Variants in STAM2 observed in about 807,000 individuals in gnomAD.
STAM2 encodes signal transducing adaptor molecule 2.
STAM2 carries 51 observed loss-of-function variants against 65.6 expected under a neutral mutation model. The ratio of observed to expected loss-of-function variants is 0.78; its 90% CI spans 0.62 to 0.98. The LOEUF (loss-of-function observed/expected upper bound fraction) is 0.98. Among genes scored for constraint, STAM2 ranks in the 50% least tolerant of loss-of-function variants. STAM2 has a pLI of 0.00. For missense variants in STAM2, 584 were observed against 617.8 expected, an observed-to-expected ratio of 0.95 and a Z score of 0.58; for synonymous variants, 198 against 208.4, an observed-to-expected ratio of 0.95 and a Z score of 0.43.
chr2:152,140,692 T>C (rs1689230010), intron 7 of STAM2, among the ~76,000 whole-genome samples: 1 of 152,234 alleles, frequency 6.6e-6, no homozygotes, highest in Admixed American at 6.5e-5. Context: ...GTAAAGTTCT[T>C]TTCCTTTTCT....
intron 9 of STAM2, 57 bp from the exon 10 acceptor site, chr2:152,133,317 T>A (rs371120470): frequency 3.9e-6 from 6 of 1,543,558 alleles, no homozygotes; most frequent in East Asian, 4.5e-5. Flanking sequence ...TCAGTAAATA[T>A]GAAATTACTC....
At chr2:152,152,700 C>T (rs1352664253) in intron 1 of STAM2, among the ~76,000 whole-genome samples, 1 of 152,128 alleles carries the variant, frequency 6.6e-6, no homozygotes, top group Non-Finnish European at 1.5e-5. Context: ...TATGGTAACT[C>T]TAAGTTTAAT....
chr2:152,173,298 G>A (rs1208358084), intron 1 of STAM2, among the ~76,000 whole-genome samples: 1 of 148,736 alleles, frequency 6.7e-6, no homozygotes, highest in Non-Finnish European at 1.5e-5. Flanking sequence ...ATTTCCTGTA[G>A]ACATCTCAAG....
Position 152,144,990 on chromosome 2 carries a change from T to C in STAM2, c.448-33A>G, listed in dbSNP as rs764035273. The C allele has an allele frequency of 8.5e-6, 13 of 1,528,246 alleles. No homozygotes were observed. In the East Asian group the frequency reaches 1.8e-4, roughly 21 times the overall value. The allele number at this position is 1,528,246 out of a possible 1,614,324, so 94.7% of individuals were successfully genotyped here. A position where few individuals can be genotyped will look rare whatever the true frequency, so the allele number is the denominator to read the frequency against. On this transcript the variant is annotated intron_variant, in intron 5 of 13. Transcript: ENST00000263904. ...TGTATGAGTAAAATGAACACAACTA[T>C]CTTTTCAAACAAAACACAAGCTCCA...
intron 13 of STAM2, among the ~76,000 whole-genome samples, chr2:152,121,157 A>G (rs757120241): frequency 6.6e-6 from 1 of 152,080 alleles, no homozygotes; most frequent in Non-Finnish European, 1.5e-5. Flanking sequence ...TTTTTGTTGT[A>G]GAGACTGGGT....
rs115445944 is a variant in STAM2 at position 152,133,537 on chromosome 2, G to A, written c.800-53C>T. On this transcript the variant is annotated intron_variant, in intron 8 of 13. Coordinates refer to ENST00000263904, the MANE Select transcript of STAM2 (RefSeq NM_005843.6). ...CTCAGCATTTACTTCAGTAATTTTA[G>A]TCATTAATTTATAAGTGGCCTATGA... is the stretch of plus-strand genomic sequence containing the variant. 1,870 of 1,416,122 alleles carry A rather than the reference G, an allele frequency of 1.3e-3. 18 individuals are homozygous for A. In the African/African-American group the frequency reaches 0.025, roughly 19 times the overall value. The allele number at this position is 1,416,122 out of a possible 1,614,324, so 87.7% of individuals were successfully genotyped here.
chr2:152,150,652 A>T (rs1560218566), intron 1 of STAM2, among the ~76,000 whole-genome samples: 1 of 152,124 alleles, frequency 6.6e-6, no homozygotes, highest in Non-Finnish European at 1.5e-5. Flanking sequence ...AATAAATTTT[A>T]AAAATTAGCC....
intron 1 of STAM2, among the ~76,000 whole-genome samples, chr2:152,171,079 T>C (rs1689889977): frequency 6.6e-6 from 1 of 152,178 alleles, no homozygotes; most frequent in South Asian, 2.1e-4. Context: ...ATCCAAACAA[T>C]ATATAGTATA....
At chr2:152,172,007 C>T (rs963123292) in intron 1 of STAM2, among the ~76,000 whole-genome samples, 3 of 152,150 alleles carry the variant, frequency 2.0e-5, no homozygotes, top group East Asian at 3.9e-4. Context: ...ACTGTGGCCC[C>T]GTCCCCCATG....
At chr2:152,164,209 G>GA (rs1021692714) in intron 1 of STAM2, among the ~76,000 whole-genome samples, 1 of 152,086 alleles carries the variant, frequency 6.6e-6, no homozygotes, top group Admixed American at 6.6e-5. Flanking sequence ...CGACACTTAG[G>GA]AAAAATAGAA....
chr2:152,146,932 G>A lies in STAM2; in HGVS notation c.447+230C>T, dbSNP rs145152429. ...CTTTTGCATGACTGTAGACTTAGAG[G>A]AACATTAAATACACTATGTCTGATT... On this transcript the variant is annotated intron_variant, in intron 5 of 13. Coordinates refer to ENST00000263904, the MANE Select transcript of STAM2 (RefSeq NM_005843.6). 9.2e-5 allele frequency among the ~76,000 whole-genome samples: 14 copies of A among 152,278 alleles called. No individual in the cohort carries two copies. The East Asian group carries it at 1.9e-3, about 21-fold the overall frequency.
At position 152,120,079 on chromosome 2, in the gene STAM2, A is replaced by G. The variant is rs144322307; in HGVS notation, c.*495T>C. 6.5e-6 allele frequency: 1 copy of G among 153,400 alleles called. No individual in the cohort carries two copies. The allele number at this position is 153,400 out of a possible 1,614,324, so 9.5% of individuals were successfully genotyped here. ...AAGTGTGTGAGAAACTCTGAAAAAA[A>G]TATTTCAAGTTCTTCAGTGCTCTTA... On this transcript the variant is annotated 3_prime_UTR_variant, in exon 14 of 14. Coordinates refer to ENST00000263904, the MANE Select transcript of STAM2 (RefSeq NM_005843.6).
chr2:152,126,716 C>T (rs932332414), intron 11 of STAM2, among the ~76,000 whole-genome samples: 3 of 151,962 alleles, frequency 2.0e-5, no homozygotes, highest in Non-Finnish European at 4.4e-5. Flanking sequence ...TTGCAAACCC[C>T]CCACGTTTTC....
chr2:152,141,362 C>T (rs1689243513), intron 7 of STAM2, among the ~76,000 whole-genome samples: 1 of 151,540 alleles, frequency 6.6e-6, no homozygotes, highest in African/African-American at 2.4e-5. Flanking sequence ...ATGGCGAAAC[C>T]CTCTCTACTA....
chr2:152,175,603 CCA>C lies in STAM2; in HGVS notation c.38_39del (p.Val13GlyfsTer6), dbSNP rs1690004151. ...LFTANPFEQD[V>X]EKATNEYNTT... The stretch of plus-strand genomic sequence containing the variant: ...GTCCAGGACCGGGCACAGCACTCAC[CCA>C]CGTCTTGCTCGAAGGGGTTGGCGGT... On this transcript the variant is annotated frameshift_variant and splice_region_variant, in exon 1 of 14. Coordinates refer to ENST00000263904, the MANE Select transcript of STAM2 (RefSeq NM_005843.6). LOFTEE classifies it high-confidence loss of function. 15 of 1,614,088 alleles carry C rather than the reference CCA, an allele frequency of 9.3e-6. No individual in the cohort carries two copies. The highest frequency in any genetic ancestry group is 1.1e-5 in the Non-Finnish European group (13 of 1,179,966).
At chr2:152,149,204 A>G (rs1207179109) in intron 2 of STAM2, among the ~76,000 whole-genome samples, 1 of 152,186 alleles carries the variant, frequency 6.6e-6, no homozygotes, top group East Asian at 1.9e-4. Context: ...TCCCATACAT[A>G]TAGAAGTCCC....
chr2:152,154,492 C>T (rs1379058192), intron 1 of STAM2, among the ~76,000 whole-genome samples: 1 of 152,184 alleles, frequency 6.6e-6, no homozygotes, highest in East Asian at 1.9e-4. Context: ...GTGGCACGCG[C>T]CTGTAGTCCC....
chr2:152,135,452 TA>T, intron 8 of STAM2, 56 bp downstream of exon 8: 1 of 1,233,000 alleles, frequency 8.1e-7, no homozygotes, highest in South Asian at 1.3e-5. Flanking sequence ...AACTGAAACA[TA>T]AAATTTAAGT....
At chr2:152,170,299 T>C (rs1689875128) in intron 1 of STAM2, among the ~76,000 whole-genome samples, 1 of 151,080 alleles carries the variant, frequency 6.6e-6, no homozygotes, top group Non-Finnish European at 1.5e-5. Flanking sequence ...GGCCAACATG[T>C]GAAACCCCGT....
Sources: allele counts gnomAD v4.1 joint callset (sites outside exome capture counted in the v4.1 genomes callset), GRCh38; gene constraint gnomAD v4.1.1; transcripts MANE v1.5; gene names NCBI Gene and HGNC (gene_info 2026-07-23, HGNC 2026-07-21).